The following PRKN variants were observed in gnomAD, a reference collection of about 807,000 sequenced individuals.
The protein encoded by PRKN is E3 ubiquitin-protein ligase parkin.
PRKN carries 56 observed loss-of-function variants against 59.5 expected under a neutral mutation model. The observed-to-expected ratio is 0.94, with a 90% CI of 0.76 to 1.18. The LOEUF (loss-of-function observed/expected upper bound fraction) is 1.18, where lower values mean the gene tolerates loss of function less well. Among genes scored for constraint, PRKN ranks in the 50% most tolerant of loss-of-function variants. PRKN has a pLI of 0.00. For missense variants in PRKN, 657 were observed against 596.4 expected (o/e 1.10, Z -1.06); for synonymous variants, 250 against 222.1 (o/e 1.13, Z -1.12).
At chr6:162,528,138 C>A (rs545857176) in intron 1 of PRKN, among the ~76,000 whole-genome samples, 2 of 151,808 alleles carry the variant, frequency 1.3e-5, no homozygotes, top group Non-Finnish European at 2.9e-5. Context: ...CTGGCTAACA[C>A]GGTGAAACCC....
At chr6:162,689,648 A>C (rs2128234724) in intron 1 of PRKN, among the ~76,000 whole-genome samples, 1 of 152,340 alleles carries the variant, frequency 6.6e-6, no homozygotes, top group South Asian at 2.1e-4. Flanking sequence ...CTAATGTCTT[A>C]ATGATTGAAA....
intron 4 of PRKN, among the ~76,000 whole-genome samples, chr6:162,110,602 T>C (rs1307768736): frequency 6.6e-6 from 1 of 152,188 alleles, no homozygotes; most frequent in African/African-American, 2.4e-5. Flanking sequence ...AATGAATCCT[T>C]AAAAAGACCG....
chr6:162,288,530 C>T (rs1781293999), intron 2 of PRKN, among the ~76,000 whole-genome samples: 1 of 152,092 alleles, frequency 6.6e-6, no homozygotes, highest in African/African-American at 2.4e-5. Flanking sequence ...GTCTCAAGTT[C>T]AGAGACATGA....
chr6:162,505,049 A>G (rs6934419), intron 1 of PRKN, among the ~76,000 whole-genome samples: 78,844 of 151,918 alleles, frequency 0.52, 20,539 homozygotes, highest in Middle Eastern at 0.59. Flanking sequence ...ACTAAGGGAG[A>G]GGAAAATGCA....
rs1784398218 is a variant in PRKN at position 161,347,927 on chromosome 6, A to T, written c.*2172T>A. On this transcript the variant is annotated 3_prime_UTR_variant, in exon 12 of 12. Transcript: ENST00000366898. ...CACCGCGCCCGGCCTGCTCTAACTT[A>T]TTTTAAGAATCACTGTTCTATTCTG... The T allele has an allele frequency of 6.0e-6, 1 of 167,200 alleles. No individual in the cohort carries two copies. The highest frequency in any genetic ancestry group is 2.4e-5 in the African/African-American group (1 of 41,818). 10.4% of individuals were successfully genotyped at this position (167,200 alleles called of 1,614,324 possible).
chr6:162,219,164 C>G (rs528461417), intron 3 of PRKN, among the ~76,000 whole-genome samples: 161 of 152,192 alleles, frequency 1.1e-3, no homozygotes, highest in African/African-American at 3.8e-3. Flanking sequence ...GTACTCCAGC[C>G]TGGGTAACAG....
intron 1 of PRKN, among the ~76,000 whole-genome samples, chr6:162,492,762 T>C (rs978063101): frequency 7.2e-5 from 11 of 152,018 alleles, no homozygotes; most frequent in African/African-American, 2.7e-4. Context: ...CCATACTGAC[T>C]AACACAGTGA....
chr6:162,213,714 T>C (rs1777506951), intron 3 of PRKN, among the ~76,000 whole-genome samples: 1 of 151,560 alleles, frequency 6.6e-6, no homozygotes, highest in Non-Finnish European at 1.5e-5. Context: ...CAGCCTGGGC[T>C]ACAGAATGAC....
At position 162,033,121 on chromosome 6, in the gene PRKN, G is replaced by A. The variant is rs145376148; in HGVS notation, c.618+20970C>T. Among the ~76,000 whole-genome samples, 13 of 152,168 alleles carry A rather than the reference G, an allele frequency of 8.5e-5. No homozygotes were observed. In the East Asian group the frequency reaches 2.1e-3, roughly 25 times the overall value. ...TGTCTCACATGTTATGAATGATCTCGCCTCCATCACTTTTCACAGCTCTTT... is the reference window on the plus strand; with the variant it reads ...TGTCTCACATGTTATGAATGATCTCACCTCCATCACTTTTCACAGCTCTTT... On this transcript the variant is annotated intron_variant, in intron 5 of 11. Transcript: ENST00000366898.
chr6:161,801,645 ATG>A (rs1273246116), intron 6 of PRKN, among the ~76,000 whole-genome samples: 1 of 152,178 alleles, frequency 6.6e-6, no homozygotes, highest in Non-Finnish European at 1.5e-5. Context: ...CTTTTCAGTT[ATG>A]AAAATAATCG....
chr6:161,599,008 A>G (rs1782016052), intron 7 of PRKN, among the ~76,000 whole-genome samples: 1 of 152,200 alleles, frequency 6.6e-6, no homozygotes, highest in Admixed American at 6.5e-5. Context: ...AGACAAAGCC[A>G]TGTGATAACA....
intron 1 of PRKN, among the ~76,000 whole-genome samples, chr6:162,599,994 T>G (rs1020862874): frequency 2.6e-5 from 4 of 152,222 alleles, no homozygotes; most frequent in Non-Finnish European, 4.4e-5. Context: ...TTTTAATTGA[T>G]GTTTCATTTA....
intron 5 of PRKN, among the ~76,000 whole-genome samples, chr6:161,992,565 A>G (rs1444938954): frequency 6.6e-6 from 1 of 152,212 alleles, no homozygotes; most frequent in East Asian, 1.9e-4. Context: ...TAGAAAATAA[A>G]GAAACACTGG....
intron 4 of PRKN, among the ~76,000 whole-genome samples, chr6:162,148,166 C>T (rs1270251310): frequency 6.6e-6 from 1 of 152,062 alleles, no homozygotes; most frequent in Non-Finnish European, 1.5e-5. Context: ...ATTGAGCTAT[C>T]CAAAAAAATT....
Position 161,575,983 on chromosome 6 carries a change from T to A in PRKN, c.872-6567A>T, listed in dbSNP as rs1411048189. 6.6e-6 allele frequency among the ~76,000 whole-genome samples: 1 copy of A among 152,198 alleles called. No homozygotes were observed. The highest frequency in any genetic ancestry group is 1.5e-5 in the Non-Finnish European group (1 of 68,042). ...CACAAGCCAGAGAGCATGGGCCACA[T>A]GTGCAGGCTGGGCTGCAGCAGTGAA... On this transcript the variant is annotated intron_variant, in intron 7 of 11. Coordinates refer to ENST00000366898, the MANE Select transcript of PRKN (RefSeq NM_004562.3). The surrounding 1 kb of genome is among the most constrained non-coding windows in gnomAD (Gnocchi z 4.6).
At position 162,701,138 on chromosome 6, in the gene PRKN, CCAGT is replaced by C. The variant is rs375381534; in HGVS notation, c.7+26520_7+26523del. On this transcript the variant is annotated intron_variant, in intron 1 of 11. Transcript: ENST00000366898. ...GAGGACTAATGTCTATTCAGATATA[CCAGT>C]CAAAGTCAAATTTATGAAATGTGAT... 8.5e-5 allele frequency among the ~76,000 whole-genome samples: 13 copies of C among 152,168 alleles called. No individual in the cohort carries two copies. The East Asian group carries it at 1.4e-3, about 16-fold the overall frequency.
intron 1 of PRKN, among the ~76,000 whole-genome samples, chr6:162,676,711 A>G (rs1048831055): frequency 1.3e-5 from 2 of 152,156 alleles, no homozygotes; most frequent in African/African-American, 2.4e-5. Flanking sequence ...TGAGGCTGAG[A>G]TATGTTTTTA....
chr6:161,523,939 G>T (rs891174225), intron 9 of PRKN, among the ~76,000 whole-genome samples: 4 of 151,812 alleles, frequency 2.6e-5, no homozygotes, highest in African/African-American at 9.7e-5. Flanking sequence ...AGAGAGACTG[G>T]GAATAACATT....
chr6:161,761,557 A>T (rs1789202435), intron 7 of PRKN, among the ~76,000 whole-genome samples: 1 of 152,226 alleles, frequency 6.6e-6, no homozygotes, highest in Admixed American at 6.5e-5. Flanking sequence ...TAGATTAAAG[A>T]CTGACTTTAT....
Sources: allele counts gnomAD v4.1 joint callset (sites outside exome capture counted in the v4.1 genomes callset), GRCh38; gene constraint gnomAD v4.1.1; non-coding constraint Gnocchi (gnomAD v3.1); transcripts MANE v1.5; gene names NCBI Gene and HGNC (gene_info 2026-07-23, HGNC 2026-07-21).